TCF4: variants seen among roughly 807,000 people sequenced by gnomAD.
TCF4 encodes the protein SL3-3 enhancer factor 2.
TCF4 carries 3 observed loss-of-function variants against 82.1 expected under a neutral mutation model. That is an observed-to-expected ratio of 0.04 (90% confidence interval 0.02 to 0.09). The LOEUF (loss-of-function observed/expected upper bound fraction) is 0.09. TCF4 is among the 10% of genes least tolerant of loss of function. The pLI, the probability that TCF4 is intolerant of heterozygous loss-of-function variation, is 1.00. For synonymous variants in TCF4, 276 were observed against 309.6 expected (o/e 0.89, Z 1.14); for missense variants, 518 against 852.7 (o/e 0.61, Z 4.89).
chr18:55,404,488 G>T (rs1467393494), intron 5 of TCF4: 1 of 152,144 alleles, frequency 6.6e-6, no homozygotes, highest in Non-Finnish European at 1.5e-5. Context: ...TACTTCTTTC[G>T]TCAAGACTGG....
rs1219428180 is a variant in TCF4 at position 55,401,114 on chromosome 18, G to T, written c.369+2340C>A. 8 of 1,288,762 alleles carry T rather than the reference G, an allele frequency of 6.2e-6. No homozygotes were observed. In the East Asian group the frequency reaches 3.9e-4, roughly 63 times the overall value. 79.8% of individuals were successfully genotyped at this position (1,288,762 alleles called of 1,614,324 possible). On this transcript the variant is annotated intron_variant, in intron 6 of 19. Coordinates refer to ENST00000354452, the MANE Select transcript of TCF4 (RefSeq NM_001083962.2). ...TTGCATAGCTGATGTTGTAGACAGG[G>T]ATTCAAATAACAATACGGCACAAGA...
At chr18:55,621,099 C>T (rs1278485222) in intron 2 of TCF4, among the ~76,000 whole-genome samples, 1 of 151,728 alleles carries the variant, frequency 6.6e-6, no homozygotes, top group Non-Finnish European at 1.5e-5. Context: ...TAAAAGGTTA[C>T]GACTCTTTAT....
intron 2 of TCF4, among the ~76,000 whole-genome samples, chr18:55,624,164 T>C (rs983616548): frequency 6.6e-6 from 1 of 152,138 alleles, no homozygotes; most frequent in African/African-American, 2.4e-5. Flanking sequence ...TTGTTAATGG[T>C]CATTGTTTTC....
rs543354972 is a variant in TCF4 at position 55,479,871 on chromosome 18, T to A, written c.146-15734A>T. Among the ~76,000 whole-genome samples the A allele has an allele frequency of 2.6e-5, 4 of 152,310 alleles. No individual in the cohort carries two copies. In the East Asian group the frequency reaches 7.7e-4, roughly 29 times the overall value. On this transcript the variant is annotated intron_variant, in intron 3 of 19. Coordinates refer to ENST00000354452, the MANE Select transcript of TCF4 (RefSeq NM_001083962.2). Reference sequence around the variant, plus strand: ...CGTGAATTCTGGCACTATGATTCTATCTTCCAAGTAAAGCAAACATACGCA... The same window carrying A: ...CGTGAATTCTGGCACTATGATTCTAACTTCCAAGTAAAGCAAACATACGCA...
Position 55,254,491 on chromosome 18 carries a change from A to G in TCF4, c.1350+6T>C. 1.2e-6 allele frequency: 2 copies of G among 1,613,202 alleles called. No individual in the cohort carries two copies. Among genetic ancestry groups the G allele is most frequent in the African/African-American group, 2.7e-5 (2 of 75,008 alleles). ...AACTATAGAGTCTATAAATTTCATC[A>G]CTTACCATGAGTGAATGTCTGTTGG... On this transcript the variant is annotated splice_donor_region_variant and intron_variant, in intron 15 of 19. Coordinates refer to ENST00000354452, the MANE Select transcript of TCF4 (RefSeq NM_001083962.2).
intron 6 of TCF4, among the ~76,000 whole-genome samples, chr18:55,360,918 G>A (rs954619261): frequency 6.6e-6 from 1 of 151,630 alleles, no homozygotes; most frequent in Non-Finnish European, 1.5e-5. Flanking sequence ...GTTGAGATAG[G>A]GTTTCACCAT....
chr18:55,599,553 T>A (rs532206704), intron 2 of TCF4, among the ~76,000 whole-genome samples: 1 of 152,142 alleles, frequency 6.6e-6, no homozygotes, highest in Non-Finnish European at 1.5e-5. Flanking sequence ...AAACCCCGTC[T>A]CTACTAAAAA....
intron 8 of TCF4, among the ~76,000 whole-genome samples, chr18:55,307,320 T>C (rs951946611): frequency 2.6e-5 from 4 of 152,222 alleles, no homozygotes; most frequent in African/African-American, 7.2e-5. Flanking sequence ...AGTAAAAATA[T>C]GTTTACATTT....
chr18:55,310,384 T>C (rs375989482), intron 8 of TCF4, among the ~76,000 whole-genome samples: 1 of 152,190 alleles, frequency 6.6e-6, no homozygotes, highest in East Asian at 1.9e-4. Context: ...TTGTATATCA[T>C]GGGGAGGAAA....
At chr18:55,557,419 A>G (rs1435275868) in intron 3 of TCF4, among the ~76,000 whole-genome samples, 1 of 152,182 alleles carries the variant, frequency 6.6e-6, no homozygotes, top group African/African-American at 2.4e-5. Flanking sequence ...AATGACAAAA[A>G]CAAACACAGA....
At chr18:55,364,745 C>T (rs901102278) in intron 6 of TCF4, among the ~76,000 whole-genome samples, 1 of 152,172 alleles carries the variant, frequency 6.6e-6, no homozygotes, top group Non-Finnish European at 1.5e-5. Context: ...GAAAACAAAT[C>T]TTTCAAGGTC....
At chr18:55,291,976 T>C (rs573584352) in intron 8 of TCF4, among the ~76,000 whole-genome samples, 3 of 152,208 alleles carry the variant, frequency 2.0e-5, no homozygotes, top group Non-Finnish European at 4.4e-5. Context: ...TATAGGGTTA[T>C]TCAGAAATAC....
At chr18:55,434,517 T>G (rs986316913) in intron 5 of TCF4, among the ~76,000 whole-genome samples, 49 of 150,860 alleles carry the variant, frequency 3.2e-4, no homozygotes, top group Non-Finnish European at 4.6e-4. Context: ...CCTCCCAGGT[T>G]CACGCCATTC....
chr18:55,343,877 C>T (rs948315330), intron 8 of TCF4, among the ~76,000 whole-genome samples: 67 of 151,824 alleles, frequency 4.4e-4, no homozygotes, highest in Non-Finnish European at 1.2e-4. Flanking sequence ...TGCACACACA[C>T]ATCCGGGGAT....
At chr18:55,343,666 T>C (rs1315481523) in intron 8 of TCF4, among the ~76,000 whole-genome samples, 1 of 152,164 alleles carries the variant, frequency 6.6e-6, no homozygotes, top group African/African-American at 2.4e-5. Context: ...AGGGAGTATA[T>C]GCTCAAGTAA....
intron 5 of TCF4, among the ~76,000 whole-genome samples, chr18:55,450,294 C>G (rs140059074): frequency 6.6e-6 from 1 of 152,276 alleles, no homozygotes; most frequent in Non-Finnish European, 1.5e-5. Context: ...GTATTTTATA[C>G]TACTTTCAAA....
rs550597992 is a variant in TCF4, at chr18:55,261,550, C to A, written c.923-17G>T. ...CTCTATTTGCTGCAAAAACAAAAGGCAGAATATGAAAACCAGGCAGTGAGA... is the reference window on the plus strand; with the variant it reads ...CTCTATTTGCTGCAAAAACAAAAGGAAGAATATGAAAACCAGGCAGTGAGA... On this transcript the variant is annotated splice_polypyrimidine_tract_variant and intron_variant, in intron 11 of 19. Coordinates refer to ENST00000354452, the MANE Select transcript of TCF4 (RefSeq NM_001083962.2). The A allele has an allele frequency of 4.7e-5, 76 of 1,613,802 alleles. No individual in the cohort carries two copies. The East Asian group carries it at 1.6e-3, about 35-fold the overall frequency.
chr18:55,466,544 T>C (rs2096024802), intron 3 of TCF4, among the ~76,000 whole-genome samples: 1 of 152,032 alleles, frequency 6.6e-6, no homozygotes, highest in Admixed American at 6.6e-5. Flanking sequence ...AAATAAAAAT[T>C]GTGTTGAGAT....
At chr18:55,443,631 A>G (rs1267478012) in intron 5 of TCF4, among the ~76,000 whole-genome samples, 1 of 152,184 alleles carries the variant, frequency 6.6e-6, no homozygotes, top group African/African-American at 2.4e-5. Flanking sequence ...ATCATATCCT[A>G]TCTATTGCCT....
Sources: allele counts gnomAD v4.1 joint callset (sites outside exome capture counted in the v4.1 genomes callset), GRCh38; gene constraint gnomAD v4.1.1; transcripts MANE v1.5; gene names NCBI Gene and HGNC (gene_info 2026-07-23, HGNC 2026-07-21).